IL34: variants seen among roughly 807,000 people sequenced by gnomAD.
The protein encoded by IL34 is interleukin-34.
IL34 carries 17 observed loss-of-function variants against 25.3 expected under a neutral mutation model. That is an observed-to-expected ratio of 0.67 (90% CI 0.46 to 1.01). The LOEUF (loss-of-function observed/expected upper bound fraction) is 1.01. Among genes scored for constraint, IL34 ranks in the 50% least tolerant of loss-of-function variants. The probability of loss-of-function intolerance (pLI) is 0.00; values close to 1 mark genes in which losing one functional copy is unlikely to be tolerated. For synonymous variants in IL34, 174 were observed against 140.9 expected, an observed-to-expected ratio of 1.23 and a Z score of -1.66; for missense variants, 368 against 312.9, an observed-to-expected ratio of 1.18 and a Z score of -1.33.
At chr16:70,650,358 G>C (rs367592037) in intron 1 of IL34, among the ~76,000 whole-genome samples, 4 of 152,340 alleles carry the variant, frequency 2.6e-5, no homozygotes, top group African/African-American at 9.6e-5. Flanking sequence ...CCAGTTGGGG[G>C]AGAGGCAGAT....
At chr16:70,616,467 A>G (rs2051174360) in intron 1 of IL34, among the ~76,000 whole-genome samples, 1 of 152,164 alleles carries the variant, frequency 6.6e-6, no homozygotes, top group African/African-American at 2.4e-5. Context: ...TTTAAGGCCT[A>G]TGTATTTTTC....
chr16:70,633,255 A>ATT (rs576875832), intron 1 of IL34, among the ~76,000 whole-genome samples: 1 of 145,310 alleles, frequency 6.9e-6, no homozygotes, highest in Non-Finnish European at 1.5e-5. Context: ...GCCCAGACTG[A>ATT]TTTTTTTTTT....
At chr16:70,634,068 C>G (rs1035325111) in intron 1 of IL34, among the ~76,000 whole-genome samples, 4 of 151,536 alleles carry the variant, frequency 2.6e-5, no homozygotes, top group Non-Finnish European at 5.9e-5. Flanking sequence ...CCAGGCTAGT[C>G]TCAAACACCT....
chr16:70,620,157 T>C (rs1433091343), intron 1 of IL34, among the ~76,000 whole-genome samples: 1 of 152,134 alleles, frequency 6.6e-6, no homozygotes, highest in Non-Finnish European at 1.5e-5. Context: ...CGGGAGCACA[T>C]TGGGTAATAA....
chr16:70,647,793 T>A (rs1007370888), intron 1 of IL34, among the ~76,000 whole-genome samples: 2 of 152,258 alleles, frequency 1.3e-5, no homozygotes, highest in Admixed American at 6.5e-5. Flanking sequence ...CCCTGGCCCT[T>A]GTGGAAATAT....
intron 1 of IL34, among the ~76,000 whole-genome samples, chr16:70,609,368 C>G (rs899788096): frequency 3.3e-5 from 5 of 152,208 alleles, no homozygotes; most frequent in African/African-American, 1.2e-4. Flanking sequence ...TGTGAGCCAC[C>G]ACGCTTGGCC....
At chr16:70,593,017 G>C (rs2050774950) in intron 1 of IL34, among the ~76,000 whole-genome samples, 1 of 152,016 alleles carries the variant, frequency 6.6e-6, no homozygotes, top group South Asian at 2.1e-4. Flanking sequence ...AATAGAGACG[G>C]GGTTTCACCA....
intron 1 of IL34, among the ~76,000 whole-genome samples, chr16:70,584,771 G>C (rs2050672435): frequency 6.6e-6 from 1 of 151,920 alleles, no homozygotes; most frequent in South Asian, 2.1e-4. Flanking sequence ...CATGATCCTG[G>C]CTCACTGCAA....
chr16:70,646,839 C>A lies in IL34; in HGVS notation c.-109C>A. On this transcript the variant is annotated 5_prime_UTR_variant, in exon 1 of 6. In the 5' UTR this introduces an upstream ATG that the reference lacks. Transcript: ENST00000288098. The stretch of plus-strand genomic sequence containing the variant: ...TCCTCCAGGGCCAGCCCTTCCCTGA[C>A]TGAGTGACCACCTCTGCTGCCCCGA... 9.1e-7 allele frequency: 1 copy of A among 1,102,638 alleles called. No homozygotes were observed. Among genetic ancestry groups the A allele is most frequent in the Non-Finnish European group, 1.2e-6 (1 of 803,942 alleles). 68.3% of individuals were successfully genotyped at this position (1,102,638 alleles called of 1,614,324 possible). A position where few individuals can be genotyped will look rare whatever the true frequency, so the allele number is the denominator to read the frequency against.
chr16:70,636,886 TA>T (rs1460864013), intron 1 of IL34, among the ~76,000 whole-genome samples: 1 of 152,158 alleles, frequency 6.6e-6, no homozygotes, highest in Non-Finnish European at 1.5e-5. Flanking sequence ...TATTTTATTT[TA>T]TTTTTTTTTT....
intron 1 of IL34, among the ~76,000 whole-genome samples, chr16:70,609,025 A>G (rs2051051766): frequency 1.3e-5 from 2 of 152,216 alleles, no homozygotes; most frequent in South Asian, 2.1e-4. Context: ...ATGAGAGGAA[A>G]GCATAATTCT....
chr16:70,612,880 G>T (rs967891819), intron 1 of IL34, among the ~76,000 whole-genome samples: 1 of 152,150 alleles, frequency 6.6e-6, no homozygotes, highest in African/African-American at 2.4e-5. Context: ...CTGCCTCCCC[G>T]GTTAAAGCGA....
chr16:70,659,860 C>T, intron 5 of IL34, 107 bp downstream of exon 5: 1 of 1,493,828 alleles, frequency 6.7e-7, no homozygotes, highest in Non-Finnish European at 9.0e-7. Context: ...CCTCTGCTCC[C>T]CGGGGCTACA....
chr16:70,619,886 C>G (rs573987524), intron 1 of IL34, among the ~76,000 whole-genome samples: 4 of 151,930 alleles, frequency 2.6e-5, no homozygotes, highest in African/African-American at 7.3e-5. Context: ...CCCGGGCTGC[C>G]GGCATTCCTT....
chr16:70,581,430 T>C (rs1272150971), intron 1 of IL34, among the ~76,000 whole-genome samples: 3 of 150,336 alleles, frequency 2.0e-5, no homozygotes, highest in East Asian at 3.8e-4. Context: ...TTTGAAGTTA[T>C]TGTTTTTTCC....
chr16:70,614,732 T>C (rs2051148106), intron 1 of IL34, among the ~76,000 whole-genome samples: 1 of 152,220 alleles, frequency 6.6e-6, no homozygotes, highest in African/African-American at 2.4e-5. Context: ...AATAGCAATA[T>C]TCACATAAAG....
chr16:70,613,246 T>G (rs2051117876), intron 1 of IL34, among the ~76,000 whole-genome samples: 1 of 152,218 alleles, frequency 6.6e-6, no homozygotes, highest in Admixed American at 6.5e-5. Context: ...AGTGGTTTAT[T>G]TCTCCGGAGA....
chr16:70,605,223 G>A (rs2050985007), intron 1 of IL34, among the ~76,000 whole-genome samples: 1 of 152,260 alleles, frequency 6.6e-6, no homozygotes, highest in East Asian at 1.9e-4. Context: ...GAGAAGAAAG[G>A]CTGTTGTGAG....
chr16:70,631,160 C>T (rs958842337), intron 1 of IL34, among the ~76,000 whole-genome samples: 1 of 152,216 alleles, frequency 6.6e-6, no homozygotes, highest in African/African-American at 2.4e-5. Context: ...TCCTTGCACT[C>T]TTGGAATAAA....
Sources: allele counts gnomAD v4.1 joint callset (sites outside exome capture counted in the v4.1 genomes callset), GRCh38; gene constraint gnomAD v4.1.1; transcripts MANE v1.5; gene names NCBI Gene and HGNC (gene_info 2026-07-23, HGNC 2026-07-21).